Variants in CD163L1 observed in about 807,000 individuals in gnomAD.
CD163L1 encodes CD163 molecule like 1.
Under a neutral mutation model 165.4 loss-of-function variants are expected in CD163L1, and 124 were observed. The observed-to-expected ratio is 0.75, with a 90% confidence interval of 0.65 to 0.87. The LOEUF (loss-of-function observed/expected upper bound fraction) is 0.87, where lower values mean the gene tolerates loss of function less well. Among genes scored for constraint, CD163L1 ranks in the 40% least tolerant of loss-of-function variants. The pLI is 0.00. For missense variants in CD163L1, 1,525 were observed against 1,799.9 expected, an observed-to-expected ratio of 0.85 and a Z score of 2.76; for synonymous variants, 585 against 662.2, an observed-to-expected ratio of 0.88 and a Z score of 1.79.
intron 6 of CD163L1, among the ~76,000 whole-genome samples, chr12:7,399,357 CTTCT>C (rs948437673): frequency 1.9e-4 from 15 of 78,516 alleles, no homozygotes; most frequent in South Asian, 1.7e-3. Context: ...TTCATTCTCT[CTTCT>C]TTCTCTTTCT....
At chr12:7,339,982 G>C in the CD163L1 span, among the ~76,000 whole-genome samples, 36 of 152,040 alleles carry the variant, frequency 2.4e-4, no homozygotes, top group African/African-American at 8.2e-4. Flanking sequence ...GTGACATTAC[G>C]ACCATGTGTT....
intron 4 of CD163L1, among the ~76,000 whole-genome samples, chr12:7,421,025 A>G (rs1175653988): frequency 9.3e-4 from 17 of 18,238 alleles, no homozygotes; most frequent in African/African-American, 4.4e-3. Flanking sequence ...ATATATATAC[A>G]TATATATATA....
the CD163L1 span, among the ~76,000 whole-genome samples, chr12:7,339,022 C>G: frequency 6.6e-6 from 1 of 152,094 alleles, no homozygotes; most frequent in African/African-American, 2.4e-5. Context: ...ATGTAAGTGT[C>G]ATGGTGGGCC....
chr12:7,379,285 C>A lies in CD163L1; in HGVS notation c.2064G>T (p.Met688Ile). The A allele has an allele frequency of 6.2e-7, 1 of 1,613,880 alleles. No homozygotes were observed. ...VGVICSDASD[M>I]ELRLVGGSSR... is the part of the protein sequence containing the mutation. ...TGCTTCCACCCACAAGCCTCAGCTCCATATCCGATGCATCTGAAACCAAAT... is the reference window on the plus strand; with the variant it reads ...TGCTTCCACCCACAAGCCTCAGCTCAATATCCGATGCATCTGAAACCAAAT... The change falls in exon 9 of 20, where the codon ATG becomes ATT. Residue 688 changes from methionine to isoleucine, a missense_variant. Met to Ile is a conservative substitution (Grantham distance 10, BLOSUM62 1). Transcript: ENST00000313599.
intron 4 of CD163L1, among the ~76,000 whole-genome samples, chr12:7,421,703 GTACA>G (rs1306819037): frequency 7.1e-6 from 1 of 141,334 alleles, no homozygotes; most frequent in Non-Finnish European, 1.5e-5. Flanking sequence ...ATATGTATGT[GTACA>G]TAAATACATA....
At position 7,433,329 on chromosome 12, in the gene CD163L1, G is replaced by A. The variant is rs146807743; in HGVS notation, c.445+45C>T. 844 of 1,499,846 alleles carry A rather than the reference G, an allele frequency of 5.6e-4. 7 individuals are homozygous for A. In the African/African-American group the frequency reaches 0.011, roughly 19 times the overall value. 92.9% of individuals were successfully genotyped at this position (1,499,846 alleles called of 1,614,324 possible). A position where few individuals can be genotyped will look rare whatever the true frequency, so the allele number is the denominator to read the frequency against. ...CCCTACCTTCCAGCAGATGATTCCT[G>A]AGGGTAGGTCTTACCTTGCCTTCCT... is the stretch of plus-strand genomic sequence containing the variant. On this transcript the variant is annotated intron_variant, in intron 3 of 19. Coordinates refer to ENST00000313599, the MANE Select transcript of CD163L1 (RefSeq NM_174941.6).
intron 4 of CD163L1, among the ~76,000 whole-genome samples, chr12:7,417,476 C>A (rs10845124): frequency 0.49 from 74,999 of 152,044 alleles, 22,696 homozygotes; most frequent in Non-Finnish European, 0.69. Context: ...GACAGGGCAT[C>A]CTTGTCTTGT....
intron 4 of CD163L1, among the ~76,000 whole-genome samples, chr12:7,415,477 G>A (rs1239088100): frequency 6.6e-6 from 1 of 152,124 alleles, no homozygotes. Context: ...TGCAGAACAT[G>A]CAGGTTTGTT....
intron 18 of CD163L1, chr12:7,357,695 A>G (rs532599022): frequency 2.9e-6 from 1 of 348,896 alleles, no homozygotes; most frequent in South Asian, 8.2e-5. Context: ...ACCAAAACAA[A>G]TAATACAACT....
Position 7,433,475 on chromosome 12 carries a change from A to G in CD163L1, c.344T>C (p.Val115Ala). 6.2e-7 allele frequency: 1 copy of G among 1,614,160 alleles called. No homozygotes were observed. The highest frequency in any genetic ancestry group is 8.5e-7 in the Non-Finnish European group (1 of 1,179,996). ...TRHGKIWLDD[V>A]SCYGNESALW... ...AGCTGACTCATTTCCATAACAGGAA[A>G]CATCATCAAGCCAAATTTTTCCATG... The change falls in exon 3 of 20, where the codon GTT becomes GCT. Residue 115 changes from valine (V) to alanine (A), a missense_variant. By Grantham distance (64) the Val-to-Ala change is moderately conservative (BLOSUM62 0). Coordinates refer to ENST00000313599, the MANE Select transcript of CD163L1 (RefSeq NM_174941.6).
chr12:7,357,940 T>C (rs985719557), intron 18 of CD163L1, among the ~76,000 whole-genome samples: 1 of 152,134 alleles, frequency 6.6e-6, no homozygotes, highest in Non-Finnish European at 1.5e-5. Flanking sequence ...TCAAGAAGGT[T>C]GAATATGACT....
chr12:7,321,967 G>A, the CD163L1 span, among the ~76,000 whole-genome samples: 1 of 152,188 alleles, frequency 6.6e-6, no homozygotes. Context: ...TTTATTACAT[G>A]GAAGGCTTTC....
the CD163L1 span, among the ~76,000 whole-genome samples, chr12:7,334,427 A>G: frequency 1.3e-5 from 2 of 152,242 alleles, no homozygotes; most frequent in South Asian, 4.1e-4. Context: ...AAGGCCCTTG[A>G]CAAAATTCAA....
In CD163L1 at chr12:7,355,117, A is replaced by G. The variant is rs1946746918; in HGVS notation, c.*38T>C. The stretch of plus-strand genomic sequence containing the variant: ...AAAAGTTGTTGTCTCCTTCAAAGAT[A>G]TTTAGAGGTTGATCTGAAATTATAA... On this transcript the variant is annotated 3_prime_UTR_variant, in exon 20 of 20. Coordinates refer to ENST00000313599, the MANE Select transcript of CD163L1 (RefSeq NM_174941.6). 6.6e-6 allele frequency: 1 copy of G among 152,090 alleles called. No individual in the cohort carries two copies. The highest frequency in any genetic ancestry group is 6.6e-5 in the Admixed American group (1 of 15,246). The allele number at this position is 152,090 out of a possible 1,614,324, so 9.4% of individuals were successfully genotyped here. A position where few individuals can be genotyped will look rare whatever the true frequency, so the allele number is the denominator to read the frequency against.
intron 8 of CD163L1, among the ~76,000 whole-genome samples, chr12:7,384,969 A>C (rs1228505283): frequency 3.3e-5 from 5 of 152,106 alleles, no homozygotes; most frequent in African/African-American, 7.2e-5. Context: ...AAAACAGTGA[A>C]TATAATGACA....
At chr12:7,321,073 G>C in the CD163L1 span, among the ~76,000 whole-genome samples, 1 of 152,062 alleles carries the variant, frequency 6.6e-6, no homozygotes, top group African/African-American at 2.4e-5. Context: ...ATGTCTTCTG[G>C]GGGGCAAAAC....
At position 7,398,643 on chromosome 12, in the gene CD163L1, TG is replaced by T. The variant is rs1947834959; in HGVS notation, c.1409-60del. ...AAATGAGAGAGTCTTTTCAGAAGAC[TG>T]AAAAGACTCTCTAAATTCACGACTA... On this transcript the variant is annotated intron_variant, in intron 6 of 19. Coordinates refer to ENST00000313599, the MANE Select transcript of CD163L1 (RefSeq NM_174941.6). The surrounding 1 kb of genome is among the most constrained non-coding windows in gnomAD (Gnocchi z 4.5). 2.8e-6 allele frequency: 4 copies of T among 1,408,556 alleles called. No individual in the cohort carries two copies. In the African/African-American group the frequency reaches 5.8e-5, roughly 20 times the overall value. 87.3% of individuals were successfully genotyped at this position (1,408,556 alleles called of 1,614,324 possible).
chr12:7,320,002 C>T, the CD163L1 span, among the ~76,000 whole-genome samples: 20 of 152,248 alleles, frequency 1.3e-4, no homozygotes, highest in South Asian at 2.1e-4. Context: ...GCTTACTTAC[C>T]GATCAAACAT....
Position 7,369,686 on chromosome 12 carries a change from G to C in CD163L1, c.3731-21C>G. ...TCTATCTACAAAGGCACAAAACATG[G>C]CTGTCTTTACTCCTGAAGGAGGTTG... On this transcript the variant is annotated intron_variant, in intron 14 of 19. Coordinates refer to ENST00000313599, the MANE Select transcript of CD163L1 (RefSeq NM_174941.6). This position sits in a 1 kb window ranked among gnomAD's most constrained non-coding sequence, Gnocchi z 4.9. The C allele has an allele frequency of 6.3e-7, 1 of 1,597,518 alleles. No individual in the cohort carries two copies. The highest frequency in any genetic ancestry group is 8.6e-7 in the Non-Finnish European group (1 of 1,167,938).
Sources: gnomAD v4.1 joint callset for allele counts (sites outside exome capture counted in the v4.1 genomes callset) on GRCh38, gnomAD v4.1.1 for gene constraint, Gnocchi (gnomAD v3.1) non-coding constraint, MANE v1.5 for transcripts, NCBI Gene and HGNC (gene_info 2026-07-23, HGNC 2026-07-21) for gene names.